CAMTA1: variants seen among roughly 807,000 people sequenced by gnomAD.
The protein encoded by CAMTA1 is calmodulin binding transcription activator 1.
In CAMTA1, 27 loss-of-function variants were observed where a neutral mutation model predicts 170.9. The ratio of observed to expected loss-of-function variants is 0.16; its 90% CI spans 0.12 to 0.22. CAMTA1 has a LOEUF of 0.22. Ranked by LOEUF, CAMTA1 falls within the 10% of genes least tolerant of loss-of-function variation. CAMTA1 has a pLI of 1.00. For synonymous variants in CAMTA1, 833 were observed against 891.5 expected (o/e 0.93, Z 1.17); for missense variants, 1,619 against 2,217.2 (o/e 0.73, Z 5.42).
intron 6 of CAMTA1, among the ~76,000 whole-genome samples, chr1:7,503,532 T>C (rs1266459134): frequency 6.6e-6 from 1 of 152,142 alleles, no homozygotes; most frequent in African/African-American, 2.4e-5. Flanking sequence ...TCCCCCACCA[T>C]TTCCAGGGTC....
rs1210002131 is a variant in CAMTA1 at position 6,934,996 on chromosome 1, G to C, written c.234+109786G>C. On this transcript the variant is annotated intron_variant, in intron 3 of 22. Coordinates refer to ENST00000303635, the MANE Select transcript of CAMTA1 (RefSeq NM_015215.4). The surrounding 1 kb of genome is among the most constrained non-coding windows in gnomAD (Gnocchi z 4.5). ...TTACAAGGGGAAGAAAAGACTATTG[G>C]GGAACTTAAAAGAAATGCAGGAAAA... Among the ~76,000 whole-genome samples the C allele has an allele frequency of 2.0e-5, 3 of 152,124 alleles. No homozygotes were observed. The highest frequency in any genetic ancestry group is 2.0e-4 in the Admixed American group (3 of 15,276).
chr1:7,553,441 G>GGCTGAGATGCAGGA (rs2094834992), intron 6 of CAMTA1, among the ~76,000 whole-genome samples: 1 of 152,228 alleles, frequency 6.6e-6, no homozygotes, highest in African/African-American at 2.4e-5. Context: ...CACGTGTAGG[G>GGCTGAGATGCAGGA]GCTGAGATGC....
chr1:7,441,947 G>A (rs917960158), intron 5 of CAMTA1, among the ~76,000 whole-genome samples: 1 of 152,096 alleles, frequency 6.6e-6, no homozygotes, highest in South Asian at 2.1e-4. Flanking sequence ...AGGAGGCCTC[G>A]ATTCCGGCGG....
chr1:7,735,386 A>G (rs183292077), intron 12 of CAMTA1, among the ~76,000 whole-genome samples: 5 of 151,766 alleles, frequency 3.3e-5, no homozygotes, highest in Admixed American at 3.3e-4. Context: ...CAGAGGTTGG[A>G]ATGAGCCAAG....
intron 1 of CAMTA1, 25 bp from the exon 2 acceptor site, chr1:6,820,156 T>C: frequency 7.5e-7 from 1 of 1,336,236 alleles, no homozygotes. Context: ...AGATTAGTTT[T>C]ACATTTTATT....
intron 5 of CAMTA1, among the ~76,000 whole-genome samples, chr1:7,276,304 T>TATATATATATATA (rs1553299266): frequency 8.0e-4 from 12 of 14,914 alleles, no homozygotes; most frequent in Non-Finnish European, 1.1e-3. Flanking sequence ...TATATATATA[T>TATATATATATATA]TTTTTTTTTT....
intron 3 of CAMTA1, among the ~76,000 whole-genome samples, chr1:7,000,909 G>C (rs763031907): frequency 9.2e-5 from 14 of 152,134 alleles, no homozygotes; most frequent in Non-Finnish European, 1.8e-4. Context: ...AGAGGTGACA[G>C]GTCCCATTGC....
Position 7,665,351 on chromosome 1 carries a change from C to T in CAMTA1, c.2652+152C>T, listed in dbSNP as rs1558087809. 1 of 573,090 alleles carries T rather than the reference C, an allele frequency of 1.7e-6. No individual in the cohort carries two copies. Among genetic ancestry groups the T allele is most frequent in the Non-Finnish European group, 2.7e-6 (1 of 372,652 alleles). 35.5% of individuals were successfully genotyped at this position (573,090 alleles called of 1,614,324 possible). On this transcript the variant is annotated intron_variant, in intron 9 of 22. Coordinates refer to ENST00000303635, the MANE Select transcript of CAMTA1 (RefSeq NM_015215.4). The surrounding 1 kb of genome is among the most constrained non-coding windows in gnomAD (Gnocchi z 4.3). ...ATGCTTTCCCCTCCTTGTGTCCCCA[C>T]GGCGCTTGAACACCTCCGTCTTTCA...
chr1:6,985,396 T>C (rs1014974041), intron 3 of CAMTA1, among the ~76,000 whole-genome samples: 40 of 152,230 alleles, frequency 2.6e-4, no homozygotes, highest in African/African-American at 8.9e-4. Context: ...ATTTTCAGAA[T>C]AGAAATTTTC....
intron 3 of CAMTA1, among the ~76,000 whole-genome samples, chr1:7,059,919 C>G (rs1200984722): frequency 6.6e-6 from 1 of 152,180 alleles, no homozygotes; most frequent in Non-Finnish European, 1.5e-5. Flanking sequence ...GAGGAGCAAT[C>G]TAAGGCTCAG....
intron 6 of CAMTA1, among the ~76,000 whole-genome samples, chr1:7,636,157 C>T (rs1006841193): frequency 6.6e-6 from 1 of 151,700 alleles, no homozygotes; most frequent in Non-Finnish European, 1.5e-5. Context: ...AGGGACCCCC[C>T]ACCCCCGGTG....
intron 6 of CAMTA1, among the ~76,000 whole-genome samples, chr1:7,591,163 T>C (rs1039395069): frequency 3.3e-5 from 5 of 152,306 alleles, no homozygotes; most frequent in African/African-American, 1.2e-4. Flanking sequence ...TAACCCACCA[T>C]TGATTCTTGT....
rs751332240 is a variant in CAMTA1, at chr1:7,664,804, G to A, written c.2257G>A (p.Gly753Ser). 4.0e-5 allele frequency: 64 copies of A among 1,613,048 alleles called. No individual in the cohort carries two copies. Among genetic ancestry groups the A allele is most frequent in the South Asian group, 3.8e-4 (35 of 91,062 alleles). The change falls in exon 9 of 23, where the codon GGC (glycine) becomes AGC (serine). Residue 753 changes from glycine (G) to serine (S), a missense_variant. Physicochemically the swap from Gly to Ser is moderately conservative, Grantham distance 56. This residue lies in a region of CAMTA1 where 731 missense variants were observed against 907.6 expected (regional missense o/e 0.81). Transcript: ENST00000303635. ...GLYPVAQPSL[G>S]NASNMELSLD... is the part of the protein sequence containing the mutation. ...CTACCCCGTGGCCCAGCCCAGCCTC[G>A]GCAACGCCTCCAACATGGAGCTCAG... is the stretch of plus-strand genomic sequence containing the variant.
chr1:7,144,858 A>G lies in CAMTA1; in HGVS notation c.302+53487A>G, dbSNP rs1573425428. Among the ~76,000 whole-genome samples, 1 of 152,330 alleles carries G rather than the reference A, an allele frequency of 6.6e-6. No individual in the cohort carries two copies. The highest frequency in any genetic ancestry group is 1.9e-4 in the East Asian group (1 of 5,186). ...TAATTTGAACAACCCTAAGAATTCA[A>G]CTTTAAGCTGGTCATTTGTCCTCCA... On this transcript the variant is annotated intron_variant, in intron 4 of 22. Transcript: ENST00000303635. The surrounding 1 kb of genome is among the most constrained non-coding windows in gnomAD (Gnocchi z 4.0).
rs2092948602 is a variant in CAMTA1 at position 7,456,201 on chromosome 1, GGAGGGAGGAAGAATGGGAGA to G, written c.439-11620_439-11601del. ...GGAAGGGAGGGAGGAAAAATGGGAG[GGAGGGAGGAAGAATGGGAGA>G]GAGGGAGGGAGAGAAGGAGGGAGGG... On this transcript the variant is annotated intron_variant, in intron 5 of 22. Coordinates refer to ENST00000303635, the MANE Select transcript of CAMTA1 (RefSeq NM_015215.4). This position sits in a 1 kb window ranked among gnomAD's most constrained non-coding sequence, Gnocchi z 4.9. 1.3e-5 allele frequency among the ~76,000 whole-genome samples: 2 copies of G among 150,540 alleles called. No homozygotes were observed. Among genetic ancestry groups the G allele is most frequent in the Admixed American group, 6.6e-5 (1 of 15,138 alleles).
chr1:7,531,282 C>T (rs758320978), intron 6 of CAMTA1, among the ~76,000 whole-genome samples: 2 of 152,098 alleles, frequency 1.3e-5, no homozygotes, highest in African/African-American at 4.8e-5. Context: ...GTGCCTCCAC[C>T]GAAGTCTCAG....
chr1:7,048,488 T>A (rs993413834), intron 3 of CAMTA1, among the ~76,000 whole-genome samples: 1 of 152,232 alleles, frequency 6.6e-6, no homozygotes, highest in African/African-American at 2.4e-5. Context: ...GGGGAGCGTC[T>A]GCTGTTGGCT....
chr1:7,047,207 C>T (rs909319044), intron 3 of CAMTA1, among the ~76,000 whole-genome samples: 4 of 152,160 alleles, frequency 2.6e-5, no homozygotes, highest in African/African-American at 9.7e-5. Flanking sequence ...GAACAAGTGG[C>T]TTTTTGTTGA....
rs938645318 is a variant in CAMTA1, at chr1:6,965,172, T to G, written c.235-126132T>G. Among the ~76,000 whole-genome samples the G allele has an allele frequency of 6.6e-6, 1 of 152,092 alleles. No individual in the cohort carries two copies. Among genetic ancestry groups the G allele is most frequent in the Non-Finnish European group, 1.5e-5 (1 of 68,010 alleles). On this transcript the variant is annotated intron_variant, in intron 3 of 22. Coordinates refer to ENST00000303635, the MANE Select transcript of CAMTA1 (RefSeq NM_015215.4). The surrounding 1 kb of genome is among the most constrained non-coding windows in gnomAD (Gnocchi z 4.1). Reference sequence around the variant, plus strand: ...TATGTGAAAGCCACTTCGGGAAAAGTAGTGAGTGTGGTATGAGCATGAGTG... The same window carrying G: ...TATGTGAAAGCCACTTCGGGAAAAGGAGTGAGTGTGGTATGAGCATGAGTG...
Sources: allele counts gnomAD v4.1 joint callset (sites outside exome capture counted in the v4.1 genomes callset), GRCh38; gene constraint gnomAD v4.1.1; regional missense constraint gnomAD v4.1.1; non-coding constraint Gnocchi (gnomAD v3.1); transcripts MANE v1.5; gene names NCBI Gene and HGNC (gene_info 2026-07-23, HGNC 2026-07-21).